The following UCKL1 variants were observed in gnomAD, a reference collection of about 807,000 sequenced individuals.
UCKL1 encodes the protein uridine-cytidine kinase-like 1.
A neutral mutation model predicts 59.2 loss-of-function variants in UCKL1; 65 were observed. The observed-to-expected ratio is 1.10, with a 90% CI of 0.90 to 1.35. The LOEUF (loss-of-function observed/expected upper bound fraction) is 1.35. UCKL1 is among the 40% of genes most tolerant of loss of function. The pLI is 0.00. For missense variants in UCKL1, 703 were observed against 784.3 expected (o/e 0.90, Z 1.24); for synonymous variants, 410 against 323.1 (o/e 1.27, Z -2.88).
chr20:63,945,119 T>C (rs1884652), intron 5 of UCKL1, among the ~76,000 whole-genome samples: 112,290 of 152,124 alleles, frequency 0.74, 41,698 homozygotes, highest in East Asian at 0.87. Flanking sequence ...CACTGGGGAA[T>C]GGGGGACGTG....
chr20:63,943,602 T>G (rs2055291380), intron 8 of UCKL1, 51 bp downstream of exon 8: 10 of 1,611,776 alleles, frequency 6.2e-6, no homozygotes, highest in African/African-American at 1.3e-5. Context: ...CAGAGCTCCT[T>G]GGAGGTGTTG....
chr20:63,940,218 C>T lies in UCKL1; in HGVS notation c.1499G>A (p.Arg500Gln), dbSNP rs771431388. Reference sequence around the variant, plus strand: ...CACCGCCGTGGTGATGATTCTCACTCGCGGAAATGCATAGGCCACTGAGTG... The same window carrying T: ...CACCGCCGTGGTGATGATTCTCACTTGCGGAAATGCATAGGCCACTGAGTG... ...GVHSVAYAFP[R>Q]VRIITTAVDK... Residue 500 changes from arginine to glutamine, a missense_variant, in exon 14 of 15, where the codon CGA (arginine) becomes CAA (glutamine). Arg to Gln is a conservative substitution (Grantham distance 43). Around this residue, in one of 4 missense-constraint regions of UCKL1, gnomAD observed 124 missense variants for 161.1 expected, o/e 0.77. Transcript: ENST00000354216. The T allele has an allele frequency of 1.2e-6, 2 of 1,612,794 alleles. No individual in the cohort carries two copies. Among genetic ancestry groups the T allele is most frequent in the African/African-American group, 1.3e-5 (1 of 75,062 alleles).
Position 63,956,342 on chromosome 20 carries a change from C to A in UCKL1, c.31G>T (p.Asp11Tyr). The A allele has an allele frequency of 6.5e-7, 1 of 1,548,036 alleles. No individual in the cohort carries two copies. The highest frequency in any genetic ancestry group is 1.4e-5 in the African/African-American group (1 of 70,318). Residue 11 changes from aspartate (D) to tyrosine (Y), a missense_variant, in exon 1 of 15, where the codon GAT (aspartate) becomes TAT (tyrosine). By Grantham distance (160) the Asp-to-Tyr change is radical. Coordinates refer to ENST00000354216, the MANE Select transcript of UCKL1 (RefSeq NM_017859.4). MAAPPARADADPSPTSPPTAR... is the reference protein window; with the variant it reads MAAPPARADAYPSPTSPPTAR... ...GTAGGTGGCGACGTGGGCGAAGGAT[C>A]AGCGTCCGCGCGGGCCGGGGGCGCA...
chr20:63,947,015 T>G (rs1056923902), intron 1 of UCKL1, among the ~76,000 whole-genome samples: 2 of 145,980 alleles, frequency 1.4e-5, no homozygotes, highest in African/African-American at 2.5e-5. Flanking sequence ...ACCCGGGAGG[T>G]GGAGATTGCA....
intron 1 of UCKL1, chr20:63,953,461 A>G (rs817316): frequency 0.38 from 57,994 of 152,052 alleles, 11,692 homozygotes; most frequent in African/African-American, 0.46. Context: ...CAGCACTTTC[A>G]GAGGCTGAGC....
At chr20:63,948,030 C>G (rs976315862) in intron 1 of UCKL1, among the ~76,000 whole-genome samples, 2 of 152,250 alleles carry the variant, frequency 1.3e-5, no homozygotes, top group African/African-American at 2.4e-5. Context: ...CCTGCCCAGT[C>G]TGTTCTGAGA....
chr20:63,952,349 A>T (rs112211886), intron 1 of UCKL1, among the ~76,000 whole-genome samples: 1 of 152,168 alleles, frequency 6.6e-6, no homozygotes, highest in Non-Finnish European at 1.5e-5. Flanking sequence ...GGAAGCCAGC[A>T]CTGTGCTGGC....
chr20:63,950,656 G>C, intron 1 of UCKL1: 1 of 1,283,908 alleles, frequency 7.8e-7, no homozygotes, highest in Non-Finnish European at 1.0e-6. Context: ...CAGCCTGTTT[G>C]ATTCCTGATA....
Position 63,940,500 on chromosome 20 carries a change from G to C in UCKL1, c.1303-15C>G. On this transcript the variant is annotated splice_polypyrimidine_tract_variant and intron_variant, in intron 12 of 14. Coordinates refer to ENST00000354216, the MANE Select transcript of UCKL1 (RefSeq NM_017859.4). ...AGGTAGTGGAGCTGCGGGCAGCAGG[G>C]GTCAGGCTGCAGGTGGGGCTCCCTG... is the stretch of plus-strand genomic sequence containing the variant. The C allele has an allele frequency of 6.2e-7, 1 of 1,608,534 alleles. No individual in the cohort carries two copies. The highest frequency in any genetic ancestry group is 8.5e-7 in the Non-Finnish European group (1 of 1,178,826).
chr20:63,944,437 A>G lies in UCKL1; in HGVS notation c.866T>C (p.Ile289Thr), dbSNP rs530143335. Reference protein sequence around the residue: ...VPRGSGNTVAIDLIVQHVHSQ... With the variant: ...VPRGSGNTVATDLIVQHVHSQ... Reference sequence around the variant, plus strand: ...GTGCACGTGCTGCACAATCAGGTCGATGGCCACCGTGTTGCCGCTCCCTGG... The same window carrying G: ...GTGCACGTGCTGCACAATCAGGTCGGTGGCCACCGTGTTGCCGCTCCCTGG... Residue 289 changes from isoleucine to threonine, a missense_variant, in exon 7 of 15, where the codon ATC (isoleucine) becomes ACC (threonine). This residue lies in a region of UCKL1 where 156 missense variants were observed against 185.6 expected (regional missense o/e 0.84). Coordinates refer to ENST00000354216, the MANE Select transcript of UCKL1 (RefSeq NM_017859.4). 51 of 1,428,980 alleles carry G rather than the reference A, an allele frequency of 3.6e-5. No individual in the cohort carries two copies. Among genetic ancestry groups the G allele is most frequent in the Middle Eastern group, 4.0e-4 (2 of 4,942 alleles). The allele number at this position is 1,428,980 out of a possible 1,614,324, so 88.5% of individuals were successfully genotyped here. A position where few individuals can be genotyped will look rare whatever the true frequency, so the allele number is the denominator to read the frequency against.
Position 63,944,538 on chromosome 20 carries a change from G to A in UCKL1, c.844+7C>T. The A allele has an allele frequency of 6.2e-7, 1 of 1,606,862 alleles. No individual in the cohort carries two copies. Among genetic ancestry groups the A allele is most frequent in the Non-Finnish European group, 8.5e-7 (1 of 1,177,152 alleles). On this transcript the variant is annotated splice_region_variant and intron_variant, in intron 6 of 14. Transcript: ENST00000354216. ...CACCCACCCAACAGGCAGCCCAGCA[G>A]GCTCACCTCTGGGGACCACGATGTC...
At chr20:63,950,980 C>T (rs1383772979) in intron 1 of UCKL1, 2 of 1,312,918 alleles carry the variant, frequency 1.5e-6, no homozygotes, top group Non-Finnish European at 9.7e-7. Context: ...CCTGAACTGG[C>T]CCTTCCATGG....
intron 1 of UCKL1, among the ~76,000 whole-genome samples, chr20:63,949,066 G>T (rs900898884): frequency 2.0e-5 from 3 of 152,170 alleles, no homozygotes; most frequent in Admixed American, 1.3e-4. Flanking sequence ...GAGACCCGCC[G>T]TCTGCACCTG....
At chr20:63,949,683 G>A (rs564795855) in intron 1 of UCKL1, among the ~76,000 whole-genome samples, 3 of 152,294 alleles carry the variant, frequency 2.0e-5, no homozygotes, top group South Asian at 2.1e-4. Flanking sequence ...AAATCCAGGC[G>A]GCCCCTCCCC....
At position 63,944,618 on chromosome 20, in the gene UCKL1, G is replaced by A. The variant is rs1351755511; in HGVS notation, c.771C>T (p.Asn257=). ...RDIEGVIKQY[N]KFVKPSFDQY... ...GGTCGAAGGAGGGCTTGACAAACTTGTTGTACTGCTTGATGACACCCTCGA... is the reference window on the plus strand; with the variant it reads ...GGTCGAAGGAGGGCTTGACAAACTTATTGTACTGCTTGATGACACCCTCGA... Residue 257 remains asparagine, a synonymous_variant, in exon 6 of 15, where the codon AAC becomes AAT. Transcript: ENST00000354216. 1.2e-6 allele frequency: 2 copies of A among 1,613,174 alleles called. No individual in the cohort carries two copies. Among genetic ancestry groups the A allele is most frequent in the Non-Finnish European group, 1.7e-6 (2 of 1,179,892 alleles).
Position 63,943,640 on chromosome 20 carries a change from G to T in UCKL1, c.923+13C>A. On this transcript the variant is annotated intron_variant, in intron 8 of 14. Coordinates refer to ENST00000354216, the MANE Select transcript of UCKL1 (RefSeq NM_017859.4). Reference sequence around the variant, plus strand: ...AGTGCCTCCATCTGTGCAGACAGCTGTGCAAGTCTTACCTGACGCTGAGTT... The same window carrying T: ...AGTGCCTCCATCTGTGCAGACAGCTTTGCAAGTCTTACCTGACGCTGAGTT... 1.2e-6 allele frequency: 2 copies of T among 1,612,682 alleles called. No individual in the cohort carries two copies. The highest frequency in any genetic ancestry group is 2.7e-5 in the African/African-American group (2 of 75,066).
chr20:63,948,188 G>C (rs988544444), intron 1 of UCKL1: 1 of 152,294 alleles, frequency 6.6e-6, no homozygotes, highest in Admixed American at 6.5e-5. Context: ...GCTCTCAGGG[G>C]TCAGCACCTT....
chr20:63,940,251 A>ATC lies in UCKL1; in HGVS notation c.1464_1465dup (p.Met489ArgfsTer14), dbSNP rs1322767341. ...TGCATAGGCCACTGAGTGCACGCCCATCTCTGCCATGAGCAGCGACAGCAA... is the reference window on the plus strand; with the variant it reads ...TGCATAGGCCACTGAGTGCACGCCCATCTCTCTGCCATGAGCAGCGACAGCAA... On this transcript the variant is annotated frameshift_variant, in exon 14 of 15. Coordinates refer to ENST00000354216, the MANE Select transcript of UCKL1 (RefSeq NM_017859.4). LOFTEE classifies it high-confidence loss of function. 2 of 1,612,788 alleles carry ATC rather than the reference A, an allele frequency of 1.2e-6. No homozygotes were observed. The highest frequency in any genetic ancestry group is 2.2e-5 in the South Asian group (2 of 91,086).
At chr20:63,948,666 A>AGAGGGAGGGGCGTGTGTGT in intron 1 of UCKL1, among the ~76,000 whole-genome samples, 2 of 67,896 alleles carry the variant, frequency 2.9e-5, no homozygotes, top group Non-Finnish European at 5.8e-5. Context: ...GGCGTGTGTG[A>AGAGGGAGGGGCGTGTGTGT]GAGGGAGGGG....
Sources: gnomAD v4.1 joint callset for allele counts (sites outside exome capture counted in the v4.1 genomes callset) on GRCh38, gnomAD v4.1.1 for gene constraint, gnomAD v4.1.1 regional missense constraint, MANE v1.5 for transcripts, NCBI Gene and HGNC (gene_info 2026-07-23, HGNC 2026-07-21) for gene names.